Variants in TACC2 observed in about 807,000 individuals in gnomAD.
TACC2 encodes transforming acidic coiled-coil containing protein 2.
In TACC2, 137 loss-of-function variants were observed where a neutral mutation model predicts 227.3. The observed-to-expected ratio is 0.60, with a 90% confidence interval of 0.52 to 0.69. The LOEUF (loss-of-function observed/expected upper bound fraction) is 0.69. Ranked by LOEUF, TACC2 falls within the 30% of genes least tolerant of loss-of-function variation. The pLI is 0.00. For missense variants in TACC2, 3,470 were observed against 3,694.4 expected (o/e 0.94, Z 1.57); for synonymous variants, 1,523 against 1,487.5 (o/e 1.02, Z -0.55).
chr10:122,239,825 C>T (rs1017594947), intron 18 of TACC2, among the ~76,000 whole-genome samples: 4 of 152,192 alleles, frequency 2.6e-5, no homozygotes, highest in African/African-American at 7.2e-5. Context: ...AATGTCAGCC[C>T]GTCAGCCTCT....
At chr10:122,135,273 G>A (rs1323735332) in intron 6 of TACC2, among the ~76,000 whole-genome samples, 1 of 152,132 alleles carries the variant, frequency 6.6e-6, no homozygotes, top group East Asian at 1.9e-4. Flanking sequence ...CTGTATCCAT[G>A]GTCTCTCTCT....
chr10:122,132,066 AAAAGAAAG>A (rs1179350569), intron 5 of TACC2, among the ~76,000 whole-genome samples: 4 of 58,250 alleles, frequency 6.9e-5, no homozygotes, highest in African/African-American at 2.7e-4. Flanking sequence ...GAAAGAAAGA[AAAAGAAAG>A]AAAGAAAGAG....
chr10:122,031,224 A>G (rs896508654), intron 2 of TACC2, among the ~76,000 whole-genome samples: 4 of 151,974 alleles, frequency 2.6e-5, no homozygotes, highest in Non-Finnish European at 5.9e-5. Flanking sequence ...TCTGGCTGCA[A>G]TAGTGGCTGA....
chr10:122,139,200 C>T (rs982633125), intron 6 of TACC2, among the ~76,000 whole-genome samples: 4 of 152,330 alleles, frequency 2.6e-5, no homozygotes, highest in Middle Eastern at 6.8e-3. Context: ...CCTCTGAGCA[C>T]GGGCTCTCTC....
At chr10:122,152,685 A>G (rs972031156) in intron 7 of TACC2, among the ~76,000 whole-genome samples, 5 of 152,232 alleles carry the variant, frequency 3.3e-5, no homozygotes, top group African/African-American at 7.2e-5. Context: ...CTGCCAACAC[A>G]GCCTGAGACA....
At position 122,115,271 on chromosome 10, in the gene TACC2, AGTGTGTGTGTGT is replaced by A. The variant is rs1180604805; in HGVS notation, c.5574-17300_5574-17289del. On this transcript the variant is annotated intron_variant, in intron 5 of 22. Transcript: ENST00000369005. ...CCACCTTCAAGGAGGTAGGTAGGTG[AGTGTGTGTGTGT>A]GTGTGTGTGTGTGTGTGTGTGTGTG... Among the ~76,000 whole-genome samples the A allele has an allele frequency of 5.0e-3, 303 of 60,792 alleles. 5 individuals are homozygous for A. Among genetic ancestry groups the A allele is most frequent in the Non-Finnish European group, 8.8e-3 (159 of 18,128 alleles). 39.9% of individuals were successfully genotyped at this position (60,792 alleles called of 152,430 possible). A position where few individuals can be genotyped will look rare whatever the true frequency, so the allele number is the denominator to read the frequency against.
In TACC2 at chr10:122,192,500, G is replaced by A. The variant is rs533307061; in HGVS notation, c.5835-2540G>A. On this transcript the variant is annotated intron_variant, in intron 7 of 22. Coordinates refer to ENST00000369005, the MANE Select transcript of TACC2 (RefSeq NM_206862.4). The stretch of plus-strand genomic sequence containing the variant: ...ATGGACGAGTACTCAGGCTTTCCTC[G>A]AATCTCTGCTTGAGTGGGGCAGCCT... 5.2e-4 allele frequency: 185 copies of A among 354,164 alleles called. 1 individual carries two copies. Among genetic ancestry groups the A allele is most frequent in the African/African-American group, 3.0e-3 (143 of 46,902 alleles). 21.9% of individuals were successfully genotyped at this position (354,164 alleles called of 1,614,324 possible).
intron 8 of TACC2, among the ~76,000 whole-genome samples, chr10:122,197,089 C>T (rs1291378992): frequency 1.1e-4 from 17 of 151,614 alleles, no homozygotes; most frequent in Admixed American, 9.9e-4. Flanking sequence ...AGTGAAACCC[C>T]GTCTCTACTA....
chr10:121,990,406 C>T (rs1251152609), intron 1 of TACC2, among the ~76,000 whole-genome samples: 2 of 152,164 alleles, frequency 1.3e-5, no homozygotes, highest in Admixed American at 1.3e-4. Context: ...GTATGAGCCA[C>T]CAAACACTGC....
At chr10:122,131,476 C>T (rs1035617224) in intron 5 of TACC2, among the ~76,000 whole-genome samples, 1 of 152,166 alleles carries the variant, frequency 6.6e-6, no homozygotes, top group Non-Finnish European at 1.5e-5. Context: ...AGGTTGCAGA[C>T]TCTTTCAGTC....
At chr10:122,198,256 G>A (rs2140670713) in intron 8 of TACC2, among the ~76,000 whole-genome samples, 1 of 152,298 alleles carries the variant, frequency 6.6e-6, no homozygotes, top group East Asian at 1.9e-4. Context: ...GGCAGAAGAT[G>A]GGGCAAAGGA....
chr10:122,226,881 C>T (rs2095640197), intron 13 of TACC2, among the ~76,000 whole-genome samples: 1 of 152,192 alleles, frequency 6.6e-6, no homozygotes, highest in Admixed American at 6.5e-5. Context: ...TGCACACACA[C>T]TTTATTCCAT....
intron 5 of TACC2, among the ~76,000 whole-genome samples, chr10:122,121,021 A>G (rs772275150): frequency 2.0e-4 from 30 of 152,136 alleles, no homozygotes; most frequent in Admixed American, 7.2e-4. Flanking sequence ...TGGGCTCCCA[A>G]AGTGCTGGGA....
At chr10:122,096,259 G>A (rs1007548144) in intron 5 of TACC2, among the ~76,000 whole-genome samples, 4 of 152,330 alleles carry the variant, frequency 2.6e-5, no homozygotes, top group Admixed American at 2.0e-4. Context: ...CTTCACCTAT[G>A]TGACCTCACA....
intron 18 of TACC2, among the ~76,000 whole-genome samples, chr10:122,238,584 G>A (rs2095909219): frequency 6.6e-6 from 1 of 152,106 alleles, no homozygotes; most frequent in Non-Finnish European, 1.5e-5. Context: ...CAAGTAACTG[G>A]GATTACAGGC....
chr10:122,198,960 G>A (rs2094682353), intron 8 of TACC2, among the ~76,000 whole-genome samples: 4 of 152,246 alleles, frequency 2.6e-5, no homozygotes, highest in Admixed American at 2.0e-4. Context: ...CAGTGGGGGC[G>A]ACATGGCAGG....
chr10:122,034,188 C>T (rs185502217), intron 2 of TACC2, among the ~76,000 whole-genome samples: 125 of 63,122 alleles, frequency 2.0e-3, no homozygotes, highest in Non-Finnish European at 3.3e-3. Context: ...TGCTCTGCCC[C>T]GGAGGATGGC....
chr10:122,229,385 C>G lies in TACC2; in HGVS notation c.7936C>G (p.Leu2646Val), dbSNP rs1356683962. The G allele has an allele frequency of 1.2e-6, 2 of 1,613,844 alleles. No individual in the cohort carries two copies. Among genetic ancestry groups the G allele is most frequent in the Admixed American group, 1.7e-5 (1 of 59,990 alleles). Residue 2646 changes from leucine (L) to valine (V), a missense_variant, in exon 15 of 23, where the codon CTC becomes GTC. Around this residue, in one of 10 missense-constraint regions of TACC2, gnomAD observed 345 missense variants for 354.4 expected, o/e 0.97. Transcript: ENST00000369005. The stretch of plus-strand genomic sequence containing the variant: ...CTCCTTTGCCTCTGCTGACGCCCTC[C>G]TCAGCAGGCTAGCTCACCCCGTCTC... ...EGSFASADAL[L>V]SRLAHPVSLC...
intron 19 of TACC2, chr10:122,248,419 C>A: frequency 1.7e-6 from 1 of 572,740 alleles, no homozygotes. Context: ...TTCTACCTCA[C>A]GCGAGGCTGC....
Sources: allele counts gnomAD v4.1 joint callset (sites outside exome capture counted in the v4.1 genomes callset), GRCh38; gene constraint gnomAD v4.1.1; regional missense constraint gnomAD v4.1.1; transcripts MANE v1.5; gene names NCBI Gene and HGNC (gene_info 2026-07-23, HGNC 2026-07-21).